Variants in IAH1 observed in about 807,000 individuals in gnomAD.
IAH1 encodes the protein isoamyl acetate-hydrolyzing esterase 1 homolog.
IAH1 carries 24 observed loss-of-function variants against 26.7 expected under a neutral mutation model. The observed-to-expected ratio is 0.90, with a 90% confidence interval of 0.65 to 1.26. The LOEUF (loss-of-function observed/expected upper bound fraction) is 1.26. Among genes scored for constraint, IAH1 ranks in the 50% most tolerant of loss-of-function variants. The probability of loss-of-function intolerance (pLI) is 0.00; values close to 1 mark genes in which losing one functional copy is unlikely to be tolerated. For synonymous variants in IAH1, 140 were observed against 118.5 expected (o/e 1.18, Z -1.18); for missense variants, 300 against 299.9 (o/e 1.00, Z 0.00).
intron 5 of IAH1, among the ~76,000 whole-genome samples, chr2:9,487,842 G>GCGCGCGCGCA (rs1553354428): frequency 7.9e-5 from 11 of 139,524 alleles, no homozygotes; most frequent in African/African-American, 3.2e-4. Context: ...GTGCGCGCGC[G>GCGCGCGCGCA]CGCGCGCGCT....
chr2:9,487,134 A>G (rs1388421447), intron 5 of IAH1, among the ~76,000 whole-genome samples: 1 of 152,032 alleles, frequency 6.6e-6, no homozygotes, highest in Non-Finnish European at 1.5e-5. Context: ...CCAGCTGCTC[A>G]GGGGGCTGAG....
At chr2:9,508,017 G>A in the IAH1 span, among the ~76,000 whole-genome samples, 2 of 152,184 alleles carry the variant, frequency 1.3e-5, no homozygotes, top group Admixed American at 6.5e-5. Context: ...TCACTGGCAA[G>A]TTCTTACAGG....
chr2:9,490,484 G>C (rs144721235), downstream of IAH1: 3 of 1,613,922 alleles, frequency 1.9e-6, no homozygotes, highest in Non-Finnish European at 2.5e-6. Context: ...AATGCGAACC[G>C]ATGCAGAATC....
chr2:9,508,412 T>G, the IAH1 span, among the ~76,000 whole-genome samples: 2 of 152,216 alleles, frequency 1.3e-5, no homozygotes, highest in Non-Finnish European at 1.5e-5. Context: ...GTTTGTTGGC[T>G]TATTAACAAC....
chr2:9,475,752 T>C (rs6432009), intron 1 of IAH1: 307,977 of 567,442 alleles, frequency 0.54, 90,182 homozygotes, highest in African/African-American at 0.69. Context: ...CCGCCCGCCT[T>C]GGCCTCCCAA....
At chr2:9,506,597 C>T in the IAH1 span, among the ~76,000 whole-genome samples, 30 of 152,108 alleles carry the variant, frequency 2.0e-4, no homozygotes, top group South Asian at 4.2e-4. Flanking sequence ...GATCTCTTGA[C>T]CTCATGATCT....
downstream of IAH1, chr2:9,492,985 T>A (rs369229801): frequency 2.5e-6 from 4 of 1,608,744 alleles, no homozygotes; most frequent in Non-Finnish European, 3.4e-6. Flanking sequence ...CTAAAAACTT[T>A]CCTGTGAACA....
downstream of IAH1, among the ~76,000 whole-genome samples, chr2:9,501,523 A>G (rs896127827): frequency 6.6e-6 from 1 of 152,238 alleles, no homozygotes; most frequent in Non-Finnish European, 1.5e-5. Context: ...CAATGGAAGT[A>G]GCTACCACTT....
chr2:9,510,061 G>T, the IAH1 span: 1 of 1,614,094 alleles, frequency 6.2e-7, no homozygotes, highest in Non-Finnish European at 8.5e-7. Context: ...GGCACATTCT[G>T]CTAGACCATC....
At chr2:9,505,217 T>C in the IAH1 span, 1 of 1,614,158 alleles carries the variant, frequency 6.2e-7, no homozygotes, top group South Asian at 1.1e-5. Flanking sequence ...GCAGGTGTCG[T>C]TGTTCAGATA....
At chr2:9,474,190 G>T (rs1394254674), upstream of IAH1, among the ~76,000 whole-genome samples, 1 of 151,996 alleles carries the variant, frequency 6.6e-6, no homozygotes, top group Admixed American at 6.5e-5. This position sits in a 1 kb window ranked among gnomAD's most constrained non-coding sequence, Gnocchi z 4.3. Context: ...TTCCAGGGGG[G>T]CCTGGAGCAG....
chr2:9,480,316 A>G (rs1470789575), intron 3 of IAH1, among the ~76,000 whole-genome samples: 1 of 152,170 alleles, frequency 6.6e-6, no homozygotes, highest in Non-Finnish European at 1.5e-5. Context: ...CAGCCTGGGC[A>G]ACAGAGTGAG....
At chr2:9,502,060 C>G in the IAH1 span, 22 of 937,882 alleles carry the variant, frequency 2.3e-5, no homozygotes. Context: ...CTCAACCCGG[C>G]ATATGAGATT....
chr2:9,493,342 C>CA (rs967412393), downstream of IAH1, among the ~76,000 whole-genome samples: 10 of 152,200 alleles, frequency 6.6e-5, no homozygotes, highest in African/African-American at 2.2e-4. Flanking sequence ...GGACTCGTGA[C>CA]AACATGATAT....
chr2:9,489,743 A>AAAC (rs937048191), downstream of IAH1: 3 of 152,246 alleles, frequency 2.0e-5, no homozygotes, highest in African/African-American at 7.3e-5. Flanking sequence ...AAAAAAAAAA[A>AAAC]AAAAAACTAT....
downstream of IAH1, chr2:9,493,116 G>A (rs1662295724): frequency 4.3e-6 from 3 of 705,840 alleles, no homozygotes; most frequent in Admixed American, 3.1e-5. Flanking sequence ...AGAGCAGAAT[G>A]TCTGTGCTGC....
chr2:9,491,321 T>C (rs1192017898), downstream of IAH1, among the ~76,000 whole-genome samples: 1 of 152,264 alleles, frequency 6.6e-6, no homozygotes, highest in Admixed American at 6.5e-5. Flanking sequence ...GCTTTAGTTA[T>C]GCCACCAGTC....
At chr2:9,480,113 A>G (rs1422491666) in intron 3 of IAH1, among the ~76,000 whole-genome samples, 1 of 152,018 alleles carries the variant, frequency 6.6e-6, no homozygotes, top group African/African-American at 2.4e-5. Flanking sequence ...CTGGCCGTGT[A>G]TTGCTATTTA....
At position 9,474,651 on chromosome 2, in the gene IAH1, C is replaced by T. The variant is rs781479118; in HGVS notation, c.81+4C>T. The T allele has an allele frequency of 1.2e-5, 18 of 1,543,160 alleles. 1 individual carries two copies. The Admixed American group carries it at 2.3e-4, about 20-fold the overall frequency. Reference sequence around the variant, plus strand: ...CTTCGGGGACTCCATCACCCAGGTACGGCCGCCCCGACGCTCGGCCTCCCG... The same window carrying T: ...CTTCGGGGACTCCATCACCCAGGTATGGCCGCCCCGACGCTCGGCCTCCCG... On this transcript the variant is annotated splice_donor_region_variant and intron_variant, in intron 1 of 5. Transcript: ENST00000497473. This position sits in a 1 kb window ranked among gnomAD's most constrained non-coding sequence, Gnocchi z 4.3.
Sources: gnomAD v4.1 joint callset for allele counts (sites outside exome capture counted in the v4.1 genomes callset) on GRCh38, gnomAD v4.1.1 for gene constraint, Gnocchi (gnomAD v3.1) non-coding constraint, MANE v1.5 for transcripts, NCBI Gene and HGNC (gene_info 2026-07-23, HGNC 2026-07-21) for gene names.